Variants in HDAC9 observed in about 807,000 individuals in gnomAD.
HDAC9 encodes the protein histone deacetylase 9.
In HDAC9, 41 loss-of-function variants were observed where a neutral mutation model predicts 139.4. The observed-to-expected ratio is 0.29, with a 90% CI of 0.23 to 0.38. The LOEUF is 0.38. Among genes scored for constraint, HDAC9 ranks in the 10% least tolerant of loss-of-function variants. HDAC9 has a pLI of 1.00. For synonymous variants in HDAC9, 517 were observed against 476.2 expected, an observed-to-expected ratio of 1.09 and a Z score of -1.12; for missense variants, 1,147 against 1,297.0, an observed-to-expected ratio of 0.88 and a Z score of 1.78.
chr7:18,458,742 G>A (rs1217698967), intron 1 of HDAC9: 3 of 736,792 alleles, frequency 4.1e-6, no homozygotes, highest in South Asian at 3.1e-5. Context: ...TCTACTCAGA[G>A]TAGTAACAAA....
At chr7:18,874,198 G>GT (rs1291633579) in intron 21 of HDAC9, among the ~76,000 whole-genome samples, 1 of 150,034 alleles carries the variant, frequency 6.7e-6, no homozygotes, top group Non-Finnish European at 1.5e-5. Flanking sequence ...AGACGTATGT[G>GT]TAATATGATG....
intron 12 of HDAC9, among the ~76,000 whole-genome samples, chr7:18,671,214 G>A (rs1457246376): frequency 6.6e-6 from 1 of 151,986 alleles, no homozygotes; most frequent in Admixed American, 6.6e-5. Flanking sequence ...TGTATAAAAC[G>A]TTGTGGAAGG....
chr7:18,908,936 T>C (rs1315603168), intron 22 of HDAC9, among the ~76,000 whole-genome samples: 1 of 152,126 alleles, frequency 6.6e-6, no homozygotes, highest in African/African-American at 2.4e-5. Context: ...GTGAGATGGC[T>C]GGAGCATACA....
Position 18,727,573 on chromosome 7 carries a change from G to C in HDAC9, c.1732-7G>C. The C allele has an allele frequency of 6.3e-7, 1 of 1,584,598 alleles. No homozygotes were observed. The highest frequency in any genetic ancestry group is 8.6e-7 in the Non-Finnish European group (1 of 1,166,304). On this transcript the variant is annotated splice_polypyrimidine_tract_variant and splice_region_variant and intron_variant, in intron 12 of 25. Transcript: ENST00000686413. ...TTCTTTCTACTGTGCTCTTTTCTTG[G>C]CAACAGCCTTTCCTGGAACCCACGC...
intron 6 of HDAC9, among the ~76,000 whole-genome samples, chr7:18,607,971 A>T (rs1454801480): frequency 1.3e-5 from 2 of 152,160 alleles, no homozygotes; most frequent in East Asian, 3.8e-4. Context: ...ATTTTAGATA[A>T]GATTGGAATG....
intron 12 of HDAC9, among the ~76,000 whole-genome samples, chr7:18,721,613 T>C (rs935044356): frequency 4.6e-5 from 7 of 152,194 alleles, no homozygotes; most frequent in African/African-American, 1.4e-4. Flanking sequence ...CATGATGATA[T>C]TGATTCTAGC....
chr7:18,958,923 TA>T (rs1783342458), intron 24 of HDAC9, among the ~76,000 whole-genome samples: 1 of 152,104 alleles, frequency 6.6e-6, no homozygotes, highest in Non-Finnish European at 1.5e-5. Context: ...TTTCCACGGG[TA>T]AGCTTGGGGT....
At chr7:18,376,113 G>A (rs768286805) in intron 1 of HDAC9, among the ~76,000 whole-genome samples, 1 of 152,108 alleles carries the variant, frequency 6.6e-6, no homozygotes, top group Non-Finnish European at 1.5e-5. Flanking sequence ...TGGTAATGGG[G>A]AGGAGGTATA....
intron 1 of HDAC9, among the ~76,000 whole-genome samples, chr7:18,329,993 G>GTA (rs1372993011): frequency 9.0e-5 from 1 of 11,114 alleles, no homozygotes; most frequent in Non-Finnish European, 1.8e-4. Flanking sequence ...ATGTGTGTGT[G>GTA]TGTGTGTGTG....
chr7:18,931,936 A>AT (rs1185776773), intron 22 of HDAC9, among the ~76,000 whole-genome samples: 2 of 152,152 alleles, frequency 1.3e-5, no homozygotes, highest in Admixed American at 6.6e-5. Context: ...GACATTATGC[A>AT]TTTGTCAAAA....
intron 22 of HDAC9, among the ~76,000 whole-genome samples, chr7:18,876,321 C>T (rs1226086335): frequency 6.6e-6 from 1 of 152,052 alleles, no homozygotes; most frequent in Non-Finnish European, 1.5e-5. Flanking sequence ...CTCCAACTCC[C>T]CTCCCCTCGT....
At chr7:18,374,871 T>A (rs2128706228) in intron 1 of HDAC9, among the ~76,000 whole-genome samples, 1 of 152,278 alleles carries the variant, frequency 6.6e-6, no homozygotes, top group East Asian at 1.9e-4. Context: ...AAAGTTCCTA[T>A]TGCCTGGTGC....
intron 21 of HDAC9, among the ~76,000 whole-genome samples, chr7:18,853,173 G>A (rs1203245278): frequency 6.6e-6 from 1 of 152,074 alleles, no homozygotes; most frequent in South Asian, 2.1e-4. Flanking sequence ...CTTAAGCAGA[G>A]TGATTTATGT....
At chr7:18,952,115 A>G (rs1782840463) in intron 23 of HDAC9, among the ~76,000 whole-genome samples, 2 of 152,026 alleles carry the variant, frequency 1.3e-5, no homozygotes, top group East Asian at 1.9e-4. Flanking sequence ...ATGACATTCA[A>G]CTAAAACATG....
intron 1 of HDAC9, among the ~76,000 whole-genome samples, chr7:18,488,186 C>T (rs1796111713): frequency 6.6e-6 from 1 of 151,926 alleles, no homozygotes; most frequent in Admixed American, 6.6e-5. Flanking sequence ...AGTTTCTGAT[C>T]CTGTGAACAC....
Position 18,437,699 on chromosome 7 carries a change from T to C in HDAC9, c.-41-58563T>C, listed in dbSNP as rs559164615. 3.3e-5 allele frequency among the ~76,000 whole-genome samples: 5 copies of C among 151,920 alleles called. No homozygotes were observed. The South Asian group carries it at 1.0e-3, about 32-fold the overall frequency. ...TCACTTCTCTGATGCCCTTAACTGT[T>C]AGCATCATCACTGTAATGCAGGCAA... On this transcript the variant is annotated intron_variant, in intron 1 of 3. Transcript: ENST00000413509.
intron 2 of HDAC9, among the ~76,000 whole-genome samples, chr7:18,184,738 C>T (rs894759412): frequency 6.6e-6 from 1 of 152,076 alleles, no homozygotes; most frequent in African/African-American, 2.4e-5. Flanking sequence ...CAATCAGAAT[C>T]CAGCATATTC....
At chr7:18,544,641 TAAC>T (rs779165969) in intron 2 of HDAC9, among the ~76,000 whole-genome samples, 1 of 152,258 alleles carries the variant, frequency 6.6e-6, no homozygotes, top group African/African-American at 2.4e-5. Context: ...AAAGAGAGTC[TAAC>T]AACAACAACA....
intron 17 of HDAC9, among the ~76,000 whole-genome samples, chr7:18,819,048 G>C (rs1794774118): frequency 6.6e-6 from 1 of 152,138 alleles, no homozygotes; most frequent in African/African-American, 2.4e-5. Context: ...AGGAGACTGA[G>C]GTGGGTGGAT....
Sources: allele counts gnomAD v4.1 joint callset (sites outside exome capture counted in the v4.1 genomes callset), GRCh38; gene constraint gnomAD v4.1.1; transcripts MANE v1.5; gene names NCBI Gene and HGNC (gene_info 2026-07-23, HGNC 2026-07-21).